The following CNTN4 variants were observed in gnomAD, a reference collection of about 807,000 sequenced individuals.
CNTN4 encodes contactin 4.
CNTN4 carries 77 observed loss-of-function variants against 122.5 expected under a neutral mutation model. The ratio of observed to expected loss-of-function variants is 0.63; its 90% CI spans 0.52 to 0.76. CNTN4 has a LOEUF of 0.76. CNTN4 is among the 30% of genes least tolerant of loss of function. CNTN4 has a pLI of 0.00. For synonymous variants in CNTN4, 512 were observed against 447.0 expected, an observed-to-expected ratio of 1.15 and a Z score of -1.83; for missense variants, 1,256 against 1,259.1, an observed-to-expected ratio of 1.00 and a Z score of 0.04.
chr3:2,179,766 C>G (rs905895693), intron 2 of CNTN4, among the ~76,000 whole-genome samples: 1 of 151,866 alleles, frequency 6.6e-6, no homozygotes, highest in Admixed American at 6.6e-5. Flanking sequence ...AAGAGCAACT[C>G]TATATACTAG....
At chr3:2,261,902 G>A (rs1391779844) in intron 2 of CNTN4, among the ~76,000 whole-genome samples, 3 of 152,076 alleles carry the variant, frequency 2.0e-5, no homozygotes, top group Non-Finnish European at 4.4e-5. Flanking sequence ...TGCCCAATAA[G>A]TCCCCAAATG....
intron 4 of CNTN4, among the ~76,000 whole-genome samples, chr3:2,623,377 G>A (rs1483188775): frequency 1.3e-5 from 2 of 151,754 alleles, no homozygotes; most frequent in South Asian, 2.1e-4. Context: ...ATGGATCACC[G>A]CACAGATATT....
chr3:2,538,810 C>T (rs542512767), intron 3 of CNTN4, among the ~76,000 whole-genome samples: 7 of 151,806 alleles, frequency 4.6e-5, no homozygotes, highest in Non-Finnish European at 1.0e-4. Context: ...CACCAATGTG[C>T]ATGTATTTTA....
chr3:2,226,126 C>T (rs972492779), intron 2 of CNTN4, among the ~76,000 whole-genome samples: 42 of 151,498 alleles, frequency 2.8e-4, no homozygotes, highest in African/African-American at 7.5e-4. Flanking sequence ...ACGGCACCCA[C>T]GTTTTGCTTT....
At chr3:2,204,456 C>T (rs1057342911) in intron 2 of CNTN4, among the ~76,000 whole-genome samples, 6 of 152,262 alleles carry the variant, frequency 3.9e-5, no homozygotes, top group African/African-American at 1.4e-4. Context: ...GAATTGTTCA[C>T]AGATTCTTCT....
intron 3 of CNTN4, among the ~76,000 whole-genome samples, chr3:2,446,818 G>T (rs2048642735): frequency 6.6e-6 from 1 of 152,156 alleles, no homozygotes; most frequent in Non-Finnish European, 1.5e-5. Flanking sequence ...ACTAAGGCAG[G>T]TTGAGAAAAC....
At chr3:2,834,499 G>A (rs544134198) in intron 7 of CNTN4, among the ~76,000 whole-genome samples, 7 of 152,072 alleles carry the variant, frequency 4.6e-5, no homozygotes, top group Admixed American at 6.5e-5. Flanking sequence ...CCCAGCAGGC[G>A]AAGTTTGCAG....
At chr3:2,483,953 G>C (rs2076075907) in intron 3 of CNTN4, among the ~76,000 whole-genome samples, 1 of 152,102 alleles carries the variant, frequency 6.6e-6, no homozygotes, top group Non-Finnish European at 1.5e-5. Context: ...AGAATTGATA[G>C]GCTGGACATT....
intron 3 of CNTN4, among the ~76,000 whole-genome samples, chr3:2,417,362 A>G (rs974081023): frequency 4.6e-5 from 7 of 152,156 alleles, no homozygotes; most frequent in Admixed American, 1.3e-4. Context: ...TTGATTACCT[A>G]TTTTTAGCTG....
intron 2 of CNTN4, among the ~76,000 whole-genome samples, chr3:2,321,728 G>T (rs2043282398): frequency 6.6e-6 from 1 of 151,620 alleles, no homozygotes; most frequent in Admixed American, 6.6e-5. Flanking sequence ...ACATGGATGT[G>T]GTTAGGAAAG....
chr3:2,754,590 C>T (rs938830092), intron 6 of CNTN4, among the ~76,000 whole-genome samples: 3 of 151,858 alleles, frequency 2.0e-5, no homozygotes, highest in African/African-American at 7.3e-5. Flanking sequence ...AGGGGAAGGG[C>T]ATAGAAGATG....
rs1698363746 is a variant in CNTN4 at position 3,022,207 on chromosome 3, GCACT to G, written c.1487-3893_1487-3890del. On this transcript the variant is annotated intron_variant, in intron 14 of 24. Coordinates refer to ENST00000418658, the MANE Select transcript of CNTN4 (RefSeq NM_175607.3). ...TGCAGTGAGCCAAGATTGTGCCTCT[GCACT>G]CCAACCTCAGGGACAGAATGAGACC... Among the ~76,000 whole-genome samples the G allele has an allele frequency of 3.3e-5, 5 of 152,182 alleles. No individual in the cohort carries two copies. The South Asian group carries it at 1.0e-3, about 32-fold the overall frequency.
chr3:2,779,947 A>G (rs1052058894), intron 6 of CNTN4, among the ~76,000 whole-genome samples: 5 of 152,266 alleles, frequency 3.3e-5, no homozygotes, highest in African/African-American at 1.2e-4. Context: ...ATAGTGACAT[A>G]AGAAATTTGT....
chr3:2,912,831 A>C (rs1280443533), intron 12 of CNTN4, among the ~76,000 whole-genome samples: 10 of 152,240 alleles, frequency 6.6e-5, no homozygotes, highest in African/African-American at 2.2e-4. Context: ...ATGAGCAGTG[A>C]ATGAAAACAT....
intron 4 of CNTN4, among the ~76,000 whole-genome samples, chr3:2,661,710 G>A (rs2083903062): frequency 6.6e-6 from 1 of 150,794 alleles, no homozygotes; most frequent in African/African-American, 2.4e-5. Flanking sequence ...TGCTCAGGAG[G>A]CTGAGGCAGG....
chr3:2,879,873 A>T lies in CNTN4; in HGVS notation c.653-3272A>T, dbSNP rs550213581. Among the ~76,000 whole-genome samples the T allele has an allele frequency of 2.0e-4, 31 of 152,196 alleles. No individual in the cohort carries two copies. The South Asian group carries it at 2.1e-3, about 10-fold the overall frequency. On this transcript the variant is annotated intron_variant, in intron 8 of 24. Transcript: ENST00000418658. ...ATTATACCTTAAAAACTTGTTTTTT[A>T]AAAAAAATTATCAATGGAAACAGAC...
intron 2 of CNTN4, among the ~76,000 whole-genome samples, chr3:2,248,442 A>T (rs1166090836): frequency 6.6e-6 from 1 of 152,014 alleles, no homozygotes; most frequent in Non-Finnish European, 1.5e-5. Flanking sequence ...TTTATACAGA[A>T]TTGCTGGTAA....
intron 3 of CNTN4, among the ~76,000 whole-genome samples, chr3:2,473,098 G>A (rs773731439): frequency 2.0e-5 from 3 of 151,982 alleles, no homozygotes; most frequent in East Asian, 3.9e-4. Context: ...GGGCGTGGTG[G>A]TGGACACCTG....
intron 2 of CNTN4, among the ~76,000 whole-genome samples, chr3:2,169,588 G>C (rs148449165): frequency 2.0e-5 from 3 of 151,762 alleles, no homozygotes; most frequent in East Asian, 3.9e-4. Context: ...TTGTAGAGAC[G>C]GGGTTTCACC....
Sources: allele counts gnomAD v4.1 joint callset (sites outside exome capture counted in the v4.1 genomes callset), GRCh38; gene constraint gnomAD v4.1.1; transcripts MANE v1.5; gene names NCBI Gene and HGNC (gene_info 2026-07-23, HGNC 2026-07-21).